MYO15A: variants seen among roughly 807,000 people sequenced by gnomAD.
The protein encoded by MYO15A is myosin XVA.
Under a neutral mutation model 394.6 loss-of-function variants are expected in MYO15A, and 308 were observed. That is an observed-to-expected ratio of 0.78 (90% CI 0.71 to 0.86). The LOEUF (loss-of-function observed/expected upper bound fraction) is 0.86, where lower values mean the gene tolerates loss of function less well. Among genes scored for constraint, MYO15A ranks in the 40% least tolerant of loss-of-function variants. The probability of loss-of-function intolerance (pLI) is 0.00; values close to 1 mark genes in which losing one functional copy is unlikely to be tolerated. For synonymous variants in MYO15A, 1,957 were observed against 2,003.8 expected, an observed-to-expected ratio of 0.98 and a Z score of 0.62; for missense variants, 4,606 against 4,799.1, an observed-to-expected ratio of 0.96 and a Z score of 1.19.
Position 18,121,257 on chromosome 17 carries a change from G to T in MYO15A, c.2457G>T (p.Ser819=). The T allele has an allele frequency of 6.9e-7, 1 of 1,455,696 alleles. No homozygotes were observed. Among genetic ancestry groups the T allele is most frequent in the East Asian group, 3.1e-5 (1 of 32,314 alleles). The allele number at this position is 1,455,696 out of a possible 1,614,324, so 90.2% of individuals were successfully genotyped here. Residue 819 remains serine (S), a synonymous_variant, in exon 2 of 66, where the codon TCG becomes TCT. Coordinates refer to ENST00000647165, the MANE Select transcript of MYO15A (RefSeq NM_016239.4). This position sits in a 1 kb window ranked among gnomAD's most constrained non-coding sequence, Gnocchi z 5.3. Reference sequence around the variant, plus strand: ...TGCCCCCGGCCCGCCGGCCCCGCTCGCTGCAGGAGTCCCCAGCCCCACGCC... The same window carrying T: ...TGCCCCCGGCCCGCCGGCCCCGCTCTCTGCAGGAGTCCCCAGCCCCACGCC... ...PFLPPARRPR[S]LQESPAPRRA...
At chr17:18,128,061 C>G (rs1352499436) in intron 7 of MYO15A, among the ~76,000 whole-genome samples, 1 of 151,722 alleles carries the variant, frequency 6.6e-6, no homozygotes, top group Non-Finnish European at 1.5e-5. Context: ...AGCGCCTGCA[C>G]TTTGAGGTGC....
chr17:18,119,246 C>G lies in MYO15A; in HGVS notation c.446C>G (p.Ser149Trp). The change falls in exon 2 of 66, where the codon TCG (serine) becomes TGG (tryptophan). Residue 149 changes from serine to tryptophan, a missense_variant. By Grantham distance (177) the Ser-to-Trp change is radical. This residue lies in a region of MYO15A where 1,830 missense variants were observed against 1,689.7 expected (regional missense o/e 1.08). Coordinates refer to ENST00000647165, the MANE Select transcript of MYO15A (RefSeq NM_016239.4). ...KKFLLKKAEE[S>W]GSEQATVDAW... is the part of the protein sequence containing the mutation. ...TTCCTCCTCAAGAAGGCCGAGGAGT[C>G]GGGCAGCGAACAGGCCACAGTGGAC... The G allele has an allele frequency of 6.2e-7, 1 of 1,612,384 alleles. No individual in the cohort carries two copies. The highest frequency in any genetic ancestry group is 2.2e-5 in the East Asian group (1 of 44,854).
At chr17:18,129,420 C>T (rs1474698407) in intron 7 of MYO15A, among the ~76,000 whole-genome samples, 1 of 152,208 alleles carries the variant, frequency 6.6e-6, no homozygotes, top group East Asian at 1.9e-4. Flanking sequence ...ATTGAGCAAT[C>T]ACAGGCCAGC....
In MYO15A at chr17:18,140,854, TGA is replaced by T. The variant is rs761789819; in HGVS notation, c.5406+28_5406+29del. The T allele has an allele frequency of 3.5e-5, 57 of 1,613,864 alleles. No individual in the cohort carries two copies. The South Asian group carries it at 5.6e-4, about 16-fold the overall frequency. ...GAAGGTGAGTGAGAGCTGAGGCCTCTGAGAGAGCCAAATCCTCCTGCCCATGC... is the reference window on the plus strand; with the variant it reads ...GAAGGTGAGTGAGAGCTGAGGCCTCTGAGAGCCAAATCCTCCTGCCCATGC... On this transcript the variant is annotated intron_variant, in intron 21 of 65. Transcript: ENST00000647165.
chr17:18,143,199 A>T (rs2046413071), intron 25 of MYO15A, among the ~76,000 whole-genome samples: 1 of 152,212 alleles, frequency 6.6e-6, no homozygotes, highest in Non-Finnish European at 1.5e-5. Flanking sequence ...CCAGAAAGAC[A>T]AATGCAGTTC....
Position 18,121,487 on chromosome 17 carries a change from G to A in MYO15A, c.2687G>A (p.Arg896Lys). Residue 896 changes from arginine (R) to lysine (K), a missense_variant, in exon 2 of 66, where the codon AGG (arginine) becomes AAG (lysine). By Grantham distance (26) the Arg-to-Lys change is conservative. Around this residue, in one of 2 missense-constraint regions of MYO15A, gnomAD observed 1,830 missense variants for 1,689.7 expected, o/e 1.08. Transcript: ENST00000647165. This position sits in a 1 kb window ranked among gnomAD's most constrained non-coding sequence, Gnocchi z 5.3. ...CGCCTGCCCTTCCACCGACCGCCCA[G>A]GGCCGGGGCCTGGCGGGCGCCCCTG... ...QVRLPFHRPP[R>K]AGAWRAPLEH... 1 of 1,551,524 alleles carries A rather than the reference G, an allele frequency of 6.4e-7. No individual in the cohort carries two copies. Among genetic ancestry groups the A allele is most frequent in the Non-Finnish European group, 8.7e-7 (1 of 1,147,874 alleles).
rs121908965 is a variant in MYO15A at position 18,145,935 on chromosome 17, A to G, written c.6337A>G (p.Ile2113Val). Residue 2113 changes from isoleucine (I) to valine (V), a missense_variant, in exon 30 of 66, where the codon ATC becomes GTC. Physicochemically the swap from Ile to Val is conservative, Grantham distance 29 (BLOSUM62 3). This residue lies in a region of MYO15A where 2,776 missense variants were observed against 3,109.3 expected (regional missense o/e 0.89). Transcript: ENST00000647165. ...GARENIFGNY[I>V]VQKGLAVPEL... The stretch of plus-strand genomic sequence containing the variant: ...CCGGGAGAACATCTTCGGGAACTAC[A>G]TCGTGCAGAAGGGGCTGGCGGTGCC... 2.3e-5 allele frequency: 37 copies of G among 1,613,654 alleles called. No homozygotes were observed. Among genetic ancestry groups the G allele is most frequent in the Non-Finnish European group, 2.8e-5 (33 of 1,180,030 alleles).
rs2046575528 is a variant in MYO15A, at chr17:18,151,229, G to C, written c.7593G>C (p.Arg2531Ser). The C allele has an allele frequency of 1.2e-6, 2 of 1,614,000 alleles. No homozygotes were observed. The highest frequency in any genetic ancestry group is 1.1e-5 in the South Asian group (1 of 91,086). Reference sequence around the variant, plus strand: ...CAGCCCCTCTGGCCAAGGCTCCAAGGCTCCCCATCAAGCCTGTGGCTGCCC... The same window carrying C: ...CAGCCCCTCTGGCCAAGGCTCCAAGCCTCCCCATCAAGCCTGTGGCTGCCC... Reference protein sequence around the residue: ...LAPAPLAKAPRLPIKPVAAPV... With the variant: ...LAPAPLAKAPSLPIKPVAAPV... Residue 2531 changes from arginine to serine, a missense_variant, in exon 39 of 66, where the codon AGG becomes AGC. Arg to Ser is a moderately radical substitution (Grantham distance 110, BLOSUM62 -1). Coordinates refer to ENST00000647165, the MANE Select transcript of MYO15A (RefSeq NM_016239.4).
At chr17:18,154,539 C>CACAGATGACCCAGCTT in intron 44 of MYO15A, 141 bp from the exon 45 acceptor site, 2 of 863,816 alleles carry the variant, frequency 2.3e-6, no homozygotes, top group Non-Finnish European at 3.8e-6. Context: ...ATCTGATTTA[C>CACAGATGACCCAGCTT]ACAGATGACC....
At chr17:18,133,814 C>T (rs61011228) in intron 12 of MYO15A, among the ~76,000 whole-genome samples, 27 of 151,978 alleles carry the variant, frequency 1.8e-4, no homozygotes, top group Non-Finnish European at 3.2e-4. Context: ...ACACCACTAC[C>T]GCCCCACTAA....
intron 18 of MYO15A, chr17:18,139,210 A>G: frequency 1.6e-6 from 1 of 619,320 alleles, no homozygotes; most frequent in Non-Finnish European, 3.0e-6. Context: ...TAGTGACATC[A>G]CTATGGTCAC....
chr17:18,127,254 C>T (rs2046065299), intron 7 of MYO15A, 89 bp downstream of exon 7: 13 of 1,470,772 alleles, frequency 8.8e-6, no homozygotes, highest in Non-Finnish European at 1.2e-5. Context: ...GGCTCCTTGG[C>T]CCACCAGGAA....
In MYO15A at chr17:18,119,151, CGGCCG is replaced by C. The variant is rs1567618406; in HGVS notation, c.352_356del (p.Gly118ProfsTer108). 2 of 1,607,996 alleles carry C rather than the reference CGGCCG, an allele frequency of 1.2e-6. No homozygotes were observed. Among genetic ancestry groups the C allele is most frequent in the Non-Finnish European group, 1.7e-6 (2 of 1,176,640 alleles). Reference sequence around the variant, plus strand: ...TCCGCTTCCCAGGCCGCCGTGGCTACGGCCGCCTGCGGCCGCGCGCCCGGTCACTC... The same window carrying C: ...TCCGCTTCCCAGGCCGCCGTGGCTACCCTGCGGCCGCGCGCCCGGTCACTC... On this transcript the variant is annotated frameshift_variant, in exon 2 of 66. Transcript: ENST00000647165. LOFTEE classifies it high-confidence loss of function.
Position 18,119,355 on chromosome 17 carries a change from C to T in MYO15A, c.555C>T (p.Gly185=). The T allele has an allele frequency of 6.2e-7, 1 of 1,609,018 alleles. No individual in the cohort carries two copies. Among genetic ancestry groups the T allele is most frequent in the Non-Finnish European group, 8.5e-7 (1 of 1,179,088 alleles). Residue 185 remains glycine, a synonymous_variant, in exon 2 of 66, where the codon GGC becomes GGT. Coordinates refer to ENST00000647165, the MANE Select transcript of MYO15A (RefSeq NM_016239.4). ...PSGAEILRPG[G]RLRRFPRSRS... is the part of the protein sequence containing the mutation. ...GTGCCGAGATCCTGCGGCCTGGGGG[C>T]CGGCTCCGGAGGTTCCCCCGCAGCC... is the stretch of plus-strand genomic sequence containing the variant.
rs778398877 is a variant in MYO15A, at chr17:18,136,666, C to T, written c.4759C>T (p.Leu1587=). Reference sequence around the variant, plus strand: ...GCAGGACACACTGTCCATCGCCATCCTGGACATCTATGGTTTCGAGGTGGG... The same window carrying T: ...GCAGGACACACTGTCCATCGCCATCTTGGACATCTATGGTTTCGAGGTGGG... ...PRQDTLSIAI[L]DIYGFEDLSF... The change falls in exon 15 of 66, where the codon CTG becomes TTG. Residue 1587 remains leucine, a synonymous_variant. Transcript: ENST00000647165. 1.9e-6 allele frequency: 3 copies of T among 1,610,658 alleles called. No individual in the cohort carries two copies. Among genetic ancestry groups the T allele is most frequent in the Non-Finnish European group, 2.5e-6 (3 of 1,179,218 alleles).
intron 61 of MYO15A, 48 bp downstream of exon 61, chr17:18,166,569 C>T (rs979732475): frequency 1.3e-5 from 21 of 1,603,580 alleles, no homozygotes; most frequent in Non-Finnish European, 1.6e-5. Context: ...CTAGGCTCCC[C>T]TGGGCCTGTG....
At chr17:18,115,582 C>A (rs1051676597) in intron 1 of MYO15A, among the ~76,000 whole-genome samples, 7 of 152,162 alleles carry the variant, frequency 4.6e-5, no homozygotes, top group Admixed American at 6.5e-5. Context: ...CGCACCATCG[C>A]ACTCCAGCCT....
chr17:18,168,949 T>TA (rs1035976861), intron 62 of MYO15A, among the ~76,000 whole-genome samples: 3,834 of 135,536 alleles, frequency 0.028, 67 homozygotes, highest in Middle Eastern at 0.038. Flanking sequence ...TAAAAAAATT[T>TA]AAAAAAAAAA....
In MYO15A at chr17:18,150,277, G is replaced by T; in HGVS notation, c.7213-152G>T. On this transcript the variant is annotated intron_variant, in intron 35 of 65. Coordinates refer to ENST00000647165, the MANE Select transcript of MYO15A (RefSeq NM_016239.4). This position sits in a 1 kb window ranked among gnomAD's most constrained non-coding sequence, Gnocchi z 4.4. Reference sequence around the variant, plus strand: ...TACGACTGATTGGGATGCCATAGGGGTAAAGGCTGAGCATACAGCAGACAC... The same window carrying T: ...TACGACTGATTGGGATGCCATAGGGTTAAAGGCTGAGCATACAGCAGACAC... The T allele has an allele frequency of 1.4e-6, 1 of 726,966 alleles. No homozygotes were observed. The allele number at this position is 726,966 out of a possible 1,614,324, so 45.0% of individuals were successfully genotyped here.
Sources: gnomAD v4.1 joint callset for allele counts (sites outside exome capture counted in the v4.1 genomes callset) on GRCh38, gnomAD v4.1.1 for gene constraint, gnomAD v4.1.1 regional missense constraint, Gnocchi (gnomAD v3.1) non-coding constraint, MANE v1.5 for transcripts, NCBI Gene and HGNC (gene_info 2026-07-23, HGNC 2026-07-21) for gene names.